ZNF385D: variants seen among roughly 807,000 people sequenced by gnomAD.
ZNF385D encodes zinc finger protein 659.
Under a neutral mutation model 35.8 loss-of-function variants are expected in ZNF385D, and 15 were observed. The ratio of observed to expected loss-of-function variants is 0.42; its 90% CI spans 0.28 to 0.64. ZNF385D has a LOEUF of 0.64. ZNF385D is among the 30% of genes least tolerant of loss of function. ZNF385D has a pLI of 0.23. For synonymous variants in ZNF385D, 212 were observed against 186.8 expected, an observed-to-expected ratio of 1.13 and a Z score of -1.10; for missense variants, 474 against 494.6, an observed-to-expected ratio of 0.96 and a Z score of 0.39.
At chr3:21,807,018 A>G (rs993147371) in intron 3 of ZNF385D, among the ~76,000 whole-genome samples, 1 of 152,192 alleles carries the variant, frequency 6.6e-6, no homozygotes, top group Non-Finnish European at 1.5e-5. Context: ...AATCCAGTTC[A>G]TTTCATATTT....
At chr3:21,918,399 A>G (rs1700296860) in intron 3 of ZNF385D, among the ~76,000 whole-genome samples, 1 of 152,204 alleles carries the variant, frequency 6.6e-6, no homozygotes, top group African/African-American at 2.4e-5. Flanking sequence ...TGGATTTTCT[A>G]TCTGAAAATA....
chr3:21,744,355 A>G (rs926865780), intron 1 of ZNF385D, among the ~76,000 whole-genome samples: 2 of 152,188 alleles, frequency 1.3e-5, no homozygotes, highest in Admixed American at 1.3e-4. Context: ...TGCTACAACC[A>G]CTTTCCCTCA....
chr3:21,708,395 G>A (rs979097600), intron 1 of ZNF385D, among the ~76,000 whole-genome samples: 8 of 152,090 alleles, frequency 5.3e-5, no homozygotes, highest in Non-Finnish European at 8.8e-5. Flanking sequence ...GCTCTTAAGC[G>A]GAAGAAATAG....
rs114030026 is a variant in ZNF385D at position 22,186,697 on chromosome 3, A to C, written c.107-17662T>G. On this transcript the variant is annotated intron_variant, in intron 2 of 5. Coordinates refer to the ZNF385D transcript ENST00000494108. ...AATAATTTCCTACTGAGATCTCAGC[A>C]TCTTACTTAATTTCATGCTCTTACT... Among the ~76,000 whole-genome samples, 471 of 152,204 alleles carry C rather than the reference A, an allele frequency of 3.1e-3. 4 individuals are homozygous for C. Among genetic ancestry groups the C allele is most frequent in the African/African-American group, 0.011 (440 of 41,544 alleles).
intron 1 of ZNF385D, among the ~76,000 whole-genome samples, chr3:21,706,814 T>A (rs1035831600): frequency 1.3e-4 from 20 of 150,328 alleles, no homozygotes; most frequent in Admixed American, 1.1e-3. Flanking sequence ...AGATAATAGA[T>A]GATAGATAGA....
At chr3:22,155,563 A>G (rs1200663590) in intron 3 of ZNF385D, among the ~76,000 whole-genome samples, 1 of 152,096 alleles carries the variant, frequency 6.6e-6, no homozygotes, top group Non-Finnish European at 1.5e-5. Flanking sequence ...TGACAGGATT[A>G]TGATCATAAA....
chr3:22,336,951 TGA>T (rs1394080345), intron 2 of ZNF385D, among the ~76,000 whole-genome samples: 1 of 107,652 alleles, frequency 9.3e-6, no homozygotes, highest in Non-Finnish European at 1.8e-5. Context: ...TTACTGTTAG[TGA>T]GGAGAGAATA....
At chr3:22,283,547 T>C (rs146900847) in intron 2 of ZNF385D, among the ~76,000 whole-genome samples, 43 of 152,286 alleles carry the variant, frequency 2.8e-4, no homozygotes, top group African/African-American at 8.7e-4. Context: ...TGACTTTTCA[T>C]GAGCAAAGCA....
intron 3 of ZNF385D, among the ~76,000 whole-genome samples, chr3:22,016,495 T>C (rs1158728096): frequency 6.6e-6 from 1 of 152,138 alleles, no homozygotes; most frequent in Non-Finnish European, 1.5e-5. Flanking sequence ...CTCTTTGAGA[T>C]TAGGTATGAC....
intron 3 of ZNF385D, among the ~76,000 whole-genome samples, chr3:21,952,716 AT>A (rs1432110121): frequency 2.6e-5 from 4 of 151,976 alleles, no homozygotes; most frequent in African/African-American, 9.7e-5. Flanking sequence ...TTATGGATTA[AT>A]TTTTGGTGAC....
chr3:22,108,329 T>C (rs1217784441), intron 3 of ZNF385D, among the ~76,000 whole-genome samples: 1 of 152,186 alleles, frequency 6.6e-6, no homozygotes, highest in Non-Finnish European at 1.5e-5. Context: ...GATGTGTTTA[T>C]TAACACAGAA....
At chr3:21,920,853 C>A (rs753689762) in intron 3 of ZNF385D, among the ~76,000 whole-genome samples, 1 of 152,096 alleles carries the variant, frequency 6.6e-6, no homozygotes, top group Admixed American at 6.5e-5. Context: ...TGATGATTAA[C>A]TTCAATACAT....
At chr3:22,044,600 G>A (rs1372757834) in intron 3 of ZNF385D, among the ~76,000 whole-genome samples, 3 of 152,078 alleles carry the variant, frequency 2.0e-5, no homozygotes, top group Non-Finnish European at 2.9e-5. Flanking sequence ...ATGTAGGGAA[G>A]GTGGTGATGA....
At chr3:22,047,394 A>G (rs1699068032) in intron 3 of ZNF385D, among the ~76,000 whole-genome samples, 1 of 152,008 alleles carries the variant, frequency 6.6e-6, no homozygotes, top group Non-Finnish European at 1.5e-5. Context: ...TTTCACCAAT[A>G]TCCTTTATTA....
intron 4 of ZNF385D, among the ~76,000 whole-genome samples, chr3:21,482,638 T>C (rs941616790): frequency 2.0e-5 from 3 of 152,166 alleles, no homozygotes; most frequent in Admixed American, 6.6e-5. Flanking sequence ...TCAGTAGAAT[T>C]ATCTGTGAAA....
At chr3:21,490,107 C>T (rs759650857) in intron 4 of ZNF385D, among the ~76,000 whole-genome samples, 1 of 152,062 alleles carries the variant, frequency 6.6e-6, no homozygotes, top group Non-Finnish European at 1.5e-5. Context: ...CCCAGTTTTT[C>T]CTTTGCTCTC....
chr3:22,131,045 C>T (rs1378306363), intron 3 of ZNF385D, among the ~76,000 whole-genome samples: 2 of 151,886 alleles, frequency 1.3e-5, no homozygotes, highest in African/African-American at 2.4e-5. Flanking sequence ...TTATGACATT[C>T]GGAGAAAATC....
chr3:21,934,946 T>G (rs772364772), intron 3 of ZNF385D, among the ~76,000 whole-genome samples: 2 of 152,218 alleles, frequency 1.3e-5, no homozygotes, highest in Non-Finnish European at 2.9e-5. Context: ...AGCTATGTCT[T>G]AGTTGATGTG....
At chr3:22,112,735 A>T (rs996694739) in intron 3 of ZNF385D, among the ~76,000 whole-genome samples, 7 of 152,132 alleles carry the variant, frequency 4.6e-5, no homozygotes, top group African/African-American at 1.7e-4. Flanking sequence ...CATGAGTTCC[A>T]TTCTCAGGAA....
Sources: gnomAD v4.1 joint callset for allele counts (sites outside exome capture counted in the v4.1 genomes callset) on GRCh38, gnomAD v4.1.1 for gene constraint, MANE v1.5 for transcripts, NCBI Gene and HGNC (gene_info 2026-07-23, HGNC 2026-07-21) for gene names.